The following DPP10 variants were observed in gnomAD, a reference collection of about 807,000 sequenced individuals.
DPP10 encodes the protein inactive dipeptidyl peptidase 10.
Under a neutral mutation model 120.9 loss-of-function variants are expected in DPP10, and 33 were observed. The observed-to-expected ratio is 0.27, with a 90% CI of 0.21 to 0.37. The LOEUF is 0.37. Among genes scored for constraint, DPP10 ranks in the 10% least tolerant of loss-of-function variants. The pLI is 1.00. For synonymous variants in DPP10, 337 were observed against 326.1 expected (o/e 1.03, Z -0.36); for missense variants, 816 against 942.8 (o/e 0.87, Z 1.76).
intron 1 of DPP10, among the ~76,000 whole-genome samples, chr2:114,825,253 C>G (rs919266111): frequency 1.3e-5 from 2 of 152,206 alleles, no homozygotes; most frequent in African/African-American, 2.4e-5. Context: ...CATTTAATAT[C>G]TGGGACTTCC....
chr2:115,475,730 G>A (rs956316842), intron 3 of DPP10, among the ~76,000 whole-genome samples: 13 of 152,184 alleles, frequency 8.5e-5, no homozygotes, highest in Admixed American at 7.2e-4. Context: ...AGCTGCCCAA[G>A]GCTTTGGGAG....
intron 1 of DPP10, among the ~76,000 whole-genome samples, chr2:114,500,775 C>A (rs906490159): frequency 5.9e-5 from 9 of 152,180 alleles, no homozygotes; most frequent in Non-Finnish European, 1.2e-4. Flanking sequence ...ATCTGAAACA[C>A]TGTTGTCTTT....
chr2:115,502,421 T>C (rs1458474655), intron 4 of DPP10, among the ~76,000 whole-genome samples: 2 of 152,144 alleles, frequency 1.3e-5, no homozygotes, highest in Non-Finnish European at 2.9e-5. Context: ...AAATGCTCTT[T>C]ATAATTTCTA....
At chr2:115,805,857 G>A (rs1432906642) in intron 19 of DPP10, among the ~76,000 whole-genome samples, 1 of 152,044 alleles carries the variant, frequency 6.6e-6, no homozygotes, top group Non-Finnish European at 1.5e-5. Flanking sequence ...TTACAGGTGT[G>A]AGCCGCCGCG....
chr2:115,045,662 G>C (rs1285693533), intron 1 of DPP10, among the ~76,000 whole-genome samples: 2 of 152,028 alleles, frequency 1.3e-5, no homozygotes, highest in Non-Finnish European at 2.9e-5. Flanking sequence ...GACGGCGGAG[G>C]GATGGTATCA....
Position 115,126,944 on chromosome 2 carries a change from AT to A in DPP10, c.61-182288del, listed in dbSNP as rs1224549510. Among the ~76,000 whole-genome samples, 6 of 152,322 alleles carry A rather than the reference AT, an allele frequency of 3.9e-5. No individual in the cohort carries two copies. In the South Asian group the frequency reaches 1.0e-3, roughly 26 times the overall value. On this transcript the variant is annotated intron_variant, in intron 1 of 25. Coordinates refer to ENST00000410059, the MANE Select transcript of DPP10 (RefSeq NM_020868.6). The stretch of plus-strand genomic sequence containing the variant: ...CCACAAAATATACATTCAATAGCAT[AT>A]TTTTTTGAAATTCTATAGACTTTCC...
At chr2:114,485,404 G>C (rs926054583) in intron 1 of DPP10, among the ~76,000 whole-genome samples, 2 of 150,832 alleles carry the variant, frequency 1.3e-5, no homozygotes, top group African/African-American at 2.4e-5. Context: ...AAATCAGAGA[G>C]GATCCACTTA....
At chr2:114,723,726 T>C (rs1054919455) in intron 1 of DPP10, among the ~76,000 whole-genome samples, 4 of 152,176 alleles carry the variant, frequency 2.6e-5, no homozygotes, top group African/African-American at 9.6e-5. Flanking sequence ...TTTTCTAAAA[T>C]TGCCCTTTCC....
At chr2:115,402,917 G>GTA (rs1207026184) in intron 3 of DPP10, among the ~76,000 whole-genome samples, 34 of 134,424 alleles carry the variant, frequency 2.5e-4, no homozygotes, top group Non-Finnish European at 4.0e-4. Flanking sequence ...ATATATGTGT[G>GTA]TATATATATA....
intron 3 of DPP10, among the ~76,000 whole-genome samples, chr2:115,466,408 C>G (rs2105123273): frequency 6.6e-6 from 1 of 152,136 alleles, no homozygotes; most frequent in East Asian, 1.9e-4. Context: ...TAGGAAAGTC[C>G]TACAAATATT....
intron 1 of DPP10, among the ~76,000 whole-genome samples, chr2:114,786,514 C>T (rs1013778297): frequency 6.6e-6 from 1 of 152,146 alleles, no homozygotes; most frequent in South Asian, 2.1e-4. Flanking sequence ...AGTGTAACAT[C>T]GTGTGTAGAA....
At chr2:114,946,147 G>T (rs925261566) in intron 1 of DPP10, among the ~76,000 whole-genome samples, 2 of 152,120 alleles carry the variant, frequency 1.3e-5, no homozygotes, top group African/African-American at 2.4e-5. Flanking sequence ...AAGAACTTAG[G>T]TATAAAACTA....
intron 19 of DPP10, among the ~76,000 whole-genome samples, chr2:115,793,266 A>G (rs975398876): frequency 2.6e-5 from 4 of 152,056 alleles, no homozygotes; most frequent in Admixed American, 2.6e-4. Flanking sequence ...TTAACAATAC[A>G]CTGCTGAATT....
intron 5 of DPP10, among the ~76,000 whole-genome samples, chr2:115,688,934 C>G (rs1437285219): frequency 6.6e-6 from 1 of 152,166 alleles, no homozygotes; most frequent in East Asian, 1.9e-4. Flanking sequence ...AACACTTCAA[C>G]ATGCATTAGT....
chr2:115,512,405 A>G (rs1452166624), intron 4 of DPP10, among the ~76,000 whole-genome samples: 1 of 152,038 alleles, frequency 6.6e-6, no homozygotes, highest in Admixed American at 6.6e-5. Context: ...GCCTAAGATT[A>G]CAGATATGAG....
intron 1 of DPP10, among the ~76,000 whole-genome samples, chr2:115,046,015 T>C (rs1705041596): frequency 2.3e-3 from 1 of 428 alleles, no homozygotes; most frequent in South Asian, 0.25. Context: ...TGTGTCTGTG[T>C]GTGTGTGTGT....
chr2:115,697,712 G>T (rs895024263), intron 7 of DPP10, among the ~76,000 whole-genome samples: 5 of 152,188 alleles, frequency 3.3e-5, no homozygotes, highest in South Asian at 2.1e-4. Context: ...AAGGCCAGGT[G>T]CAGTGGCTGA....
intron 1 of DPP10, among the ~76,000 whole-genome samples, chr2:114,792,343 A>G (rs967505302): frequency 7.2e-5 from 11 of 152,218 alleles, no homozygotes; most frequent in Non-Finnish European, 1.3e-4. Flanking sequence ...CCTCTGAAGT[A>G]TACCCACTTT....
chr2:114,941,071 T>C (rs972536393), intron 1 of DPP10, among the ~76,000 whole-genome samples: 12 of 152,334 alleles, frequency 7.9e-5, no homozygotes, highest in African/African-American at 2.6e-4. Flanking sequence ...TCTTAGAACT[T>C]GTTTTATCGA....
Sources: allele counts gnomAD v4.1 joint callset (sites outside exome capture counted in the v4.1 genomes callset), GRCh38; gene constraint gnomAD v4.1.1; transcripts MANE v1.5; gene names NCBI Gene and HGNC (gene_info 2026-07-23, HGNC 2026-07-21).